The following PCDHA2 variants were observed in gnomAD, a reference collection of about 807,000 sequenced individuals.
The protein encoded by PCDHA2 is protocadherin alpha 2, also known as protocadherin alpha-2.
Under a neutral mutation model 66.0 loss-of-function variants are expected in PCDHA2, and 58 were observed. That is an observed-to-expected ratio of 0.88 (90% CI 0.71 to 1.09). The LOEUF (loss-of-function observed/expected upper bound fraction) is 1.09. Among genes scored for constraint, PCDHA2 ranks in the 50% least tolerant of loss-of-function variants. The pLI is 0.00. For missense variants in PCDHA2, 1,267 were observed against 1,242.3 expected, an observed-to-expected ratio of 1.02 and a Z score of -0.30; for synonymous variants, 634 against 554.0, an observed-to-expected ratio of 1.14 and a Z score of -2.03.
At chr5:140,936,630 T>C (rs1309907947) in intron 1 of PCDHA2, among the ~76,000 whole-genome samples, 1 of 152,234 alleles carries the variant, frequency 6.6e-6, no homozygotes, top group Non-Finnish European at 1.5e-5. Context: ...GCTACCTTTG[T>C]CATAAGCAAC....
chr5:140,949,074 C>T (rs2094343019), intron 1 of PCDHA2, among the ~76,000 whole-genome samples: 1 of 151,780 alleles, frequency 6.6e-6, no homozygotes, highest in African/African-American at 2.4e-5. Flanking sequence ...AACTCTTTCA[C>T]CCATTTATTA....
chr5:140,856,008 G>A, intron 1 of PCDHA2: 1 of 1,542,308 alleles, frequency 6.5e-7, no homozygotes, highest in Middle Eastern at 1.7e-4. Flanking sequence ...GTGCGTTCTA[G>A]ACCGCTGATT....
rs375305711 is a variant in PCDHA2 at position 140,857,742 on chromosome 5, T to C, written c.2388+60390T>C. 63 of 1,597,390 alleles carry C rather than the reference T, an allele frequency of 3.9e-5. No homozygotes were observed. In the East Asian group the frequency reaches 5.1e-4, roughly 13 times the overall value. On this transcript the variant is annotated intron_variant, in intron 1 of 3. Coordinates refer to ENST00000526136, the MANE Select transcript of PCDHA2 (RefSeq NM_018905.3). Reference sequence around the variant, plus strand: ...GAGAACGACAACGCTCCCGCGCTGCTGGCGTCTCCCGCTGGCAGCGCGGGC... The same window carrying C: ...GAGAACGACAACGCTCCCGCGCTGCCGGCGTCTCCCGCTGGCAGCGCGGGC...
At chr5:140,817,691 T>C (rs114557138) in intron 1 of PCDHA2, 1 of 152,354 alleles carries the variant, frequency 6.6e-6, no homozygotes, top group Non-Finnish European at 1.5e-5. Flanking sequence ...AGACACACAG[T>C]ACATTATTAT....
chr5:141,009,825 T>A lies in PCDHA2; in HGVS notation c.2735T>A (p.Ile912Lys). ...AGCCAAATTGACAAAAGTGACTTCA[T>A]AACCTTCGGCAAAAAGGAGGAGACC... ...TNSQIDKSDF[I>K]TFGKKEETKK... is the part of the protein sequence containing the mutation. The change falls in exon 4 of 4, where the codon ATA (isoleucine) becomes AAA (lysine). Residue 912 changes from isoleucine to lysine, a missense_variant. Physicochemically the swap from Ile to Lys is moderately radical, Grantham distance 102. Coordinates refer to ENST00000526136, the MANE Select transcript of PCDHA2 (RefSeq NM_018905.3). 2 of 1,613,774 alleles carry A rather than the reference T, an allele frequency of 1.2e-6. No homozygotes were observed.
Position 140,849,788 on chromosome 5 carries a change from C to T in PCDHA2, c.2388+52436C>T, listed in dbSNP as rs2150450289. The T allele has an allele frequency of 2.5e-6, 4 of 1,598,468 alleles. No homozygotes were observed. The South Asian group carries it at 4.4e-5, about 18-fold the overall frequency. ...TGGTGGTTACCGCGCGGGACGGGGGCTCGCCTTCACTGTGGGCCACGGCCA... is the reference window on the plus strand; with the variant it reads ...TGGTGGTTACCGCGCGGGACGGGGGTTCGCCTTCACTGTGGGCCACGGCCA... On this transcript the variant is annotated intron_variant, in intron 1 of 3. Coordinates refer to ENST00000526136, the MANE Select transcript of PCDHA2 (RefSeq NM_018905.3).
chr5:140,966,603 G>T, intron 1 of PCDHA2: 1 of 656,454 alleles, frequency 1.5e-6, no homozygotes, highest in East Asian at 3.4e-5. Context: ...AGGAGCCCTT[G>T]GGAGGGCCTA....
chr5:140,826,328 TAAGAAA>T (rs1768900003), intron 1 of PCDHA2, among the ~76,000 whole-genome samples: 1 of 152,204 alleles, frequency 6.6e-6, no homozygotes, highest in Non-Finnish European at 1.5e-5. Context: ...TGTTTTTGGT[TAAGAAA>T]TTGAACCCTT....
chr5:140,833,593 A>G (rs1772535253), intron 1 of PCDHA2, among the ~76,000 whole-genome samples: 1 of 152,252 alleles, frequency 6.6e-6, no homozygotes, highest in South Asian at 2.1e-4. Context: ...CAGTATATAT[A>G]GATTCTGCTA....
intron 1 of PCDHA2, chr5:140,825,598 A>G (rs1581824463): frequency 6.6e-6 from 1 of 151,392 alleles, no homozygotes; most frequent in Admixed American, 6.6e-5. Context: ...AATTTTTTGT[A>G]TTTACTAGAG....
At chr5:140,878,855 T>C (rs905851216) in intron 1 of PCDHA2, among the ~76,000 whole-genome samples, 3 of 152,250 alleles carry the variant, frequency 2.0e-5, no homozygotes, top group Admixed American at 6.5e-5. Context: ...TGGGTTCAAC[T>C]GATCCTCCAT....
chr5:140,883,643 G>A (rs1182808577), intron 1 of PCDHA2: 2 of 1,613,822 alleles, frequency 1.2e-6, no homozygotes, highest in Non-Finnish European at 1.7e-6. Context: ...CGCGCAGCCC[G>A]AGTACACGGT....
intron 1 of PCDHA2, chr5:140,871,085 CG>C: frequency 6.2e-7 from 1 of 1,613,246 alleles, no homozygotes. Context: ...CTGACGGCCA[CG>C]GCCACCGTGC....
At chr5:140,974,264 C>A (rs2096620873) in intron 1 of PCDHA2, among the ~76,000 whole-genome samples, 1 of 152,168 alleles carries the variant, frequency 6.6e-6, no homozygotes, top group African/African-American at 2.4e-5. Flanking sequence ...CCTTTCTGGC[C>A]TTCCAGGGTC....
At chr5:140,985,062 T>C (rs2097134097) in intron 3 of PCDHA2, among the ~76,000 whole-genome samples, 1 of 152,058 alleles carries the variant, frequency 6.6e-6, no homozygotes, top group African/African-American at 2.4e-5. Flanking sequence ...CTCAGCCTCC[T>C]GAGTAGCTGA....
At chr5:140,949,682 A>T (rs1229666281) in intron 1 of PCDHA2, among the ~76,000 whole-genome samples, 3 of 151,768 alleles carry the variant, frequency 2.0e-5, no homozygotes, top group Non-Finnish European at 4.4e-5. Context: ...CCCTTGTTGA[A>T]GCGTATTGTT....
intron 1 of PCDHA2, chr5:140,927,559 G>C: frequency 6.2e-7 from 1 of 1,614,170 alleles, no homozygotes; most frequent in Non-Finnish European, 8.5e-7. Flanking sequence ...CACCATCATT[G>C]TGGTGGACAC....
intron 1 of PCDHA2, chr5:140,851,988 A>G: frequency 1.0e-6 from 1 of 975,740 alleles, no homozygotes. Flanking sequence ...AGTGCAAGCT[A>G]TTTGTTTGTT....
At chr5:140,875,478 G>A (rs2055526738) in intron 1 of PCDHA2, 1 of 1,610,404 alleles carries the variant, frequency 6.2e-7, no homozygotes, top group Admixed American at 1.7e-5. Flanking sequence ...CTGCAATGGT[G>A]ATTATCGGAC....
Sources: allele counts gnomAD v4.1 joint callset (sites outside exome capture counted in the v4.1 genomes callset), GRCh38; gene constraint gnomAD v4.1.1; transcripts MANE v1.5; gene names NCBI Gene and HGNC (gene_info 2026-07-23, HGNC 2026-07-21).